Variants in CCDC138 observed in about 807,000 individuals in gnomAD.
The protein encoded by CCDC138 is coiled-coil domain-containing protein 138.
CCDC138 carries 66 observed loss-of-function variants against 82.3 expected under a neutral mutation model. The ratio of observed to expected loss-of-function variants is 0.80; its 90% CI spans 0.66 to 0.98. CCDC138 has a LOEUF of 0.98. Among genes scored for constraint, CCDC138 ranks in the 50% least tolerant of loss-of-function variants. The probability of loss-of-function intolerance (pLI) is 0.00; values close to 1 mark genes in which losing one functional copy is unlikely to be tolerated. For synonymous variants in CCDC138, 297 were observed against 265.4 expected (o/e 1.12, Z -1.16); for missense variants, 816 against 758.9 (o/e 1.08, Z -0.88).
intron 10 of CCDC138, 61 bp from the exon 11 acceptor site, chr2:108,839,124 T>C: frequency 6.8e-6 from 10 of 1,462,278 alleles, no homozygotes; most frequent in Non-Finnish European, 9.1e-6. Flanking sequence ...TTGTGGTAAT[T>C]GATTTAAGAC....
At chr2:108,858,957 T>A (rs1337639320) in intron 13 of CCDC138, among the ~76,000 whole-genome samples, 2 of 152,218 alleles carry the variant, frequency 1.3e-5, no homozygotes, top group African/African-American at 4.8e-5. Context: ...TCTTTGCTAT[T>A]TTGAATACAG....
At chr2:108,844,291 A>C (rs1690075659) in intron 11 of CCDC138, among the ~76,000 whole-genome samples, 3 of 152,020 alleles carry the variant, frequency 2.0e-5, no homozygotes, top group Non-Finnish European at 1.5e-5. Flanking sequence ...GCAGTTGTTC[A>C]GGTTGGGTGT....
chr2:108,841,502 T>G (rs1270373819), intron 11 of CCDC138, among the ~76,000 whole-genome samples: 1 of 152,206 alleles, frequency 6.6e-6, no homozygotes, highest in Non-Finnish European at 1.5e-5. Context: ...AATGTCCTTC[T>G]CTATCTCTGA....
intron 7 of CCDC138, among the ~76,000 whole-genome samples, chr2:108,808,305 C>G (rs958005958): frequency 6.6e-6 from 1 of 152,176 alleles, no homozygotes; most frequent in Non-Finnish European, 1.5e-5. Flanking sequence ...ATTGCAAATA[C>G]TGCTGCAGTA....
intron 13 of CCDC138, among the ~76,000 whole-genome samples, chr2:108,864,781 G>A (rs187323604): frequency 3.0e-5 from 4 of 134,590 alleles, no homozygotes; most frequent in African/African-American, 8.2e-5. Flanking sequence ...GCGACAGAGC[G>A]AGACTCCATC....
At chr2:108,787,692 C>T (rs1679130637) in intron 1 of CCDC138, among the ~76,000 whole-genome samples, 1 of 151,580 alleles carries the variant, frequency 6.6e-6, no homozygotes, top group African/African-American at 2.4e-5. Context: ...GGTTCACAGC[C>T]TTTGTTTTCT....
At chr2:108,798,816 T>TAC (rs61201793) in intron 6 of CCDC138, among the ~76,000 whole-genome samples, 14,825 of 131,400 alleles carry the variant, frequency 0.11, 897 homozygotes, top group South Asian at 0.13. Flanking sequence ...TCTCCACACC[T>TAC]ACACACACAC....
chr2:108,874,188 A>G (rs1278744738), intron 14 of CCDC138, among the ~76,000 whole-genome samples: 1 of 152,184 alleles, frequency 6.6e-6, no homozygotes, highest in African/African-American at 2.4e-5. Flanking sequence ...TATTTTGCAA[A>G]TCCTTATTGA....
At chr2:108,843,661 A>T (rs982948669) in intron 11 of CCDC138, among the ~76,000 whole-genome samples, 1 of 151,922 alleles carries the variant, frequency 6.6e-6, no homozygotes. Context: ...TTCCCCATAT[A>T]TGTAAGGTGT....
intron 13 of CCDC138, among the ~76,000 whole-genome samples, chr2:108,865,201 A>T (rs56963988): frequency 0.069 from 10,569 of 152,176 alleles, 470 homozygotes; most frequent in South Asian, 0.15. Context: ...ATAAATGCAT[A>T]ATTTCTTCAA....
chr2:108,810,071 G>A (rs1048507729), intron 7 of CCDC138, among the ~76,000 whole-genome samples: 1 of 152,106 alleles, frequency 6.6e-6, no homozygotes, highest in African/African-American at 2.4e-5. Flanking sequence ...CTCCCATATT[G>A]CTGAGATTAC....
At chr2:108,787,789 T>C (rs778783155) in intron 1 of CCDC138, among the ~76,000 whole-genome samples, 1 of 152,132 alleles carries the variant, frequency 6.6e-6, no homozygotes, top group Non-Finnish European at 1.5e-5. Flanking sequence ...GCTTCTTCGT[T>C]AGATTGATTA....
chr2:108,817,767 G>T (rs769124674), intron 10 of CCDC138, among the ~76,000 whole-genome samples: 6 of 152,106 alleles, frequency 3.9e-5, no homozygotes, highest in Admixed American at 1.3e-4. Context: ...ATTGATTTTG[G>T]CTGGCTGAGA....
intron 12 of CCDC138, among the ~76,000 whole-genome samples, chr2:108,850,080 G>A (rs973076872): frequency 4.6e-5 from 7 of 152,140 alleles, no homozygotes; most frequent in African/African-American, 7.2e-5. Context: ...GATGGTCCTC[G>A]GAACTACTGT....
chr2:108,877,723 A>G (rs2105338071), downstream of CCDC138, among the ~76,000 whole-genome samples: 1 of 152,326 alleles, frequency 6.6e-6, no homozygotes, highest in Admixed American at 6.5e-5. Context: ...ATTCAGAAAT[A>G]TAGTTGAATA....
At chr2:108,815,171 C>T (rs1447919270) in intron 9 of CCDC138, among the ~76,000 whole-genome samples, 2 of 151,960 alleles carry the variant, frequency 1.3e-5, no homozygotes, top group African/African-American at 4.8e-5. Context: ...ACTGGAAAGA[C>T]AAAGTAACAA....
At chr2:108,824,300 A>G (rs906354820) in intron 10 of CCDC138, among the ~76,000 whole-genome samples, 6 of 152,226 alleles carry the variant, frequency 3.9e-5, no homozygotes, top group African/African-American at 4.8e-5. Flanking sequence ...TTGTACAGGT[A>G]TACAAAAATA....
At chr2:108,875,800 A>T (rs1262658477) in intron 14 of CCDC138, among the ~76,000 whole-genome samples, 1 of 152,194 alleles carries the variant, frequency 6.6e-6, no homozygotes, top group Non-Finnish European at 1.5e-5. Context: ...TTGAGGCTGC[A>T]GTAAGCTGTG....
At chr2:108,851,555 G>A (rs1204172547) in intron 12 of CCDC138, among the ~76,000 whole-genome samples, 1 of 152,124 alleles carries the variant, frequency 6.6e-6, no homozygotes, top group Non-Finnish European at 1.5e-5. Context: ...GCCCACCTCA[G>A]CCTCCCAAAA....
Sources: gnomAD v4.1 joint callset for allele counts (sites outside exome capture counted in the v4.1 genomes callset) on GRCh38, gnomAD v4.1.1 for gene constraint, MANE v1.5 for transcripts, NCBI Gene and HGNC (gene_info 2026-07-23, HGNC 2026-07-21) for gene names.